Variants in FBN2 observed in about 807,000 individuals in gnomAD.
The protein encoded by FBN2 is fibrillin-2.
FBN2 carries 105 observed loss-of-function variants against 355.6 expected under a neutral mutation model. The ratio of observed to expected loss-of-function variants is 0.30; its 90% confidence interval spans 0.25 to 0.35. FBN2 has a LOEUF of 0.35. Ranked by LOEUF, FBN2 falls within the 10% of genes least tolerant of loss-of-function variation. The probability of loss-of-function intolerance (pLI) is 1.00; values close to 1 mark genes in which losing one functional copy is unlikely to be tolerated. For synonymous variants in FBN2, 1,350 were observed against 1,301.2 expected (o/e 1.04, Z -0.81); for missense variants, 3,280 against 3,758.7 (o/e 0.87, Z 3.33).
At chr5:128,528,785 A>ATGTAATCTATATTTTAAAAAGATTAC (rs1291139351) in intron 3 of FBN2, among the ~76,000 whole-genome samples, 5 of 152,230 alleles carry the variant, frequency 3.3e-5, no homozygotes, top group Non-Finnish European at 7.3e-5. Flanking sequence ...AAGTGAAGTG[A>ATGTAATCTATATTTTAAAAAGATTAC]TGTAATCTAT....
intron 6 of FBN2, among the ~76,000 whole-genome samples, chr5:128,458,546 CTG>C (rs1438192425): frequency 6.6e-6 from 1 of 151,658 alleles, no homozygotes; most frequent in Admixed American, 6.6e-5. Flanking sequence ...GACCACATAA[CTG>C]GAAGTAAAAC....
chr5:128,334,172 AAAGTG>A (rs1329089900), intron 31 of FBN2, among the ~76,000 whole-genome samples: 1 of 152,134 alleles, frequency 6.6e-6, no homozygotes, highest in Non-Finnish European at 1.5e-5. Flanking sequence ...GCAAAGAAGG[AAAGTG>A]AAGAGAGGAA....
intron 5 of FBN2, among the ~76,000 whole-genome samples, chr5:128,508,500 T>C (rs1756023610): frequency 6.6e-6 from 1 of 152,016 alleles, no homozygotes; most frequent in Non-Finnish European, 1.5e-5. Flanking sequence ...TCTTGACATA[T>C]AGTATAGGCA....
intron 47 of FBN2, 38 bp downstream of exon 47, chr5:128,301,344 A>G (rs1749710728): frequency 1.3e-6 from 2 of 1,588,812 alleles, no homozygotes; most frequent in South Asian, 1.1e-5. Flanking sequence ...TTTACAAAAC[A>G]TAACACCACA....
At chr5:128,337,846 C>T in intron 27 of FBN2, 151 bp downstream of exon 27, 2 of 819,702 alleles carry the variant, frequency 2.4e-6, no homozygotes, top group Non-Finnish European at 2.0e-6. Flanking sequence ...CCACTAAAGA[C>T]ACAGCCTGCA....
intron 5 of FBN2, among the ~76,000 whole-genome samples, chr5:128,470,863 T>C (rs1293438817): frequency 6.6e-6 from 1 of 152,186 alleles, no homozygotes; most frequent in Non-Finnish European, 1.5e-5. Context: ...CTTAGAAGCT[T>C]CCCACATACT....
At position 128,259,681 on chromosome 5, in the gene FBN2, T is replaced by C. The variant is rs772928933; in HGVS notation, c.8513A>G (p.Gln2838Arg). ...LNNHIRYVIS[Q>R]GNDDSVFRIH... ...GCGGAAGACGCTGTCATCGTTCCCT[T>C]GAGAGATGACATAACGGATGTGGTT... Residue 2838 changes from glutamine to arginine, a missense_variant, in exon 65 of 65, where the codon CAA (glutamine) becomes CGA (arginine). Physicochemically the swap from Gln to Arg is conservative, Grantham distance 43. Transcript: ENST00000262464. 11 of 1,613,966 alleles carry C rather than the reference T, an allele frequency of 6.8e-6. No homozygotes were observed. Among genetic ancestry groups the C allele is most frequent in the Non-Finnish European group, 7.6e-6 (9 of 1,179,992 alleles).
chr5:128,529,796 A>G (rs1756656687), intron 3 of FBN2, among the ~76,000 whole-genome samples: 1 of 152,340 alleles, frequency 6.6e-6, no homozygotes, highest in Middle Eastern at 3.4e-3. Context: ...TTTGAATGGT[A>G]GGTTTTAAAA....
At chr5:128,365,613 A>T (rs546947267) in intron 17 of FBN2, among the ~76,000 whole-genome samples, 1 of 151,546 alleles carries the variant, frequency 6.6e-6, no homozygotes, top group Admixed American at 6.6e-5. Context: ...TAATTTGACT[A>T]AAGCTTTCTC....
Position 128,345,546 on chromosome 5 carries a change from C to G in FBN2, c.3028G>C (p.Asp1010His). ...CCAGGAACGGGGTGGATGCATTCAT[C>G]TTCATCCCACTTCAAGTAACACTGC... is the stretch of plus-strand genomic sequence containing the variant. ...MEQCYLKWDE[D>H]ECIHPVPGKF... is the part of the protein sequence containing the mutation. The change falls in exon 24 of 65, where the codon GAT becomes CAT. Residue 1010 changes from aspartate to histidine, a missense_variant. Physicochemically the swap from Asp to His is moderately conservative, Grantham distance 81 (BLOSUM62 -1). Transcript: ENST00000262464. 2 of 1,614,132 alleles carry G rather than the reference C, an allele frequency of 1.2e-6. No homozygotes were observed. The highest frequency in any genetic ancestry group is 1.7e-6 in the Non-Finnish European group (2 of 1,180,010).
At position 128,291,563 on chromosome 5, in the gene FBN2, G is replaced by C; in HGVS notation, c.6258C>G (p.Gly2086=). The C allele has an allele frequency of 6.2e-7, 1 of 1,613,988 alleles. No individual in the cohort carries two copies. Among genetic ancestry groups the C allele is most frequent in the Non-Finnish European group, 8.5e-7 (1 of 1,179,860 alleles). The change falls in exon 49 of 65, where the codon GGC becomes GGG. Residue 2086 remains glycine (G), a synonymous_variant. Coordinates refer to ENST00000262464, the MANE Select transcript of FBN2 (RefSeq NM_001999.4). ...TCCGTCCATTATCAGATAGTACAAA[G>C]CCAGGGGGGCAGAGGCACTGGAAGC... The part of the protein sequence containing the change: ...PGGFQCLCPP[G]FVLSDNGRRC...
At chr5:128,372,422 T>G (rs1751967099) in intron 15 of FBN2, among the ~76,000 whole-genome samples, 1 of 151,940 alleles carries the variant, frequency 6.6e-6, no homozygotes, top group Non-Finnish European at 1.5e-5. Context: ...AGAAGAAAAA[T>G]GAACAAACAA....
At chr5:128,524,792 T>C (rs1756520648) in intron 4 of FBN2, among the ~76,000 whole-genome samples, 2 of 152,130 alleles carry the variant, frequency 1.3e-5, no homozygotes, top group African/African-American at 4.8e-5. Context: ...TGCTACACAT[T>C]TTGCTTCCCC....
chr5:128,507,747 T>C (rs530511309), intron 5 of FBN2, among the ~76,000 whole-genome samples: 7 of 152,238 alleles, frequency 4.6e-5, no homozygotes, highest in Non-Finnish European at 1.5e-5. Flanking sequence ...GGAATGTATA[T>C]TATCTGCTGC....
chr5:128,332,479 T>C (rs1172691918), intron 32 of FBN2, among the ~76,000 whole-genome samples: 1 of 152,228 alleles, frequency 6.6e-6, no homozygotes, highest in African/African-American at 2.4e-5. Flanking sequence ...TACAATTTCC[T>C]GTAAGAAGAA....
chr5:128,349,535 C>T (rs1156619872), intron 22 of FBN2, 63 bp from the exon 23 acceptor site: 2 of 1,567,532 alleles, frequency 1.3e-6, no homozygotes, highest in East Asian at 4.5e-5. Context: ...CAGGTGTGGT[C>T]CTACTTCCTG....
At chr5:128,451,502 C>T (rs183162190) in intron 6 of FBN2, among the ~76,000 whole-genome samples, 48 of 152,092 alleles carry the variant, frequency 3.2e-4, no homozygotes, top group Admixed American at 3.9e-4. Context: ...TGGGTTCAAG[C>T]GATTGTCCTG....
intron 7 of FBN2, among the ~76,000 whole-genome samples, chr5:128,417,131 C>T (rs1753224093): frequency 6.6e-6 from 1 of 151,844 alleles, no homozygotes; most frequent in Non-Finnish European, 1.5e-5. Flanking sequence ...AATAGAATTG[C>T]CTTTTGAGTT....
At chr5:128,317,048 T>C (rs975472613) in intron 36 of FBN2, among the ~76,000 whole-genome samples, 2 of 152,154 alleles carry the variant, frequency 1.3e-5, no homozygotes, top group Admixed American at 6.5e-5. Flanking sequence ...CCTTGTGCTG[T>C]GTCTCTAACG....
Sources: allele counts gnomAD v4.1 joint callset (sites outside exome capture counted in the v4.1 genomes callset), GRCh38; gene constraint gnomAD v4.1.1; transcripts MANE v1.5; gene names NCBI Gene and HGNC (gene_info 2026-07-23, HGNC 2026-07-21).